The following GPC3 variants were observed in gnomAD, a reference collection of about 807,000 sequenced individuals.
GPC3 encodes glypican-3.
In GPC3, 3 loss-of-function variants were observed where a neutral mutation model predicts 34.4. That is an observed-to-expected ratio of 0.09 (90% CI 0.04 to 0.23). The LOEUF (loss-of-function observed/expected upper bound fraction) is 0.23, where lower values mean the gene tolerates loss of function less well. Among genes scored for constraint, GPC3 ranks in the 10% least tolerant of loss-of-function variants. The pLI is 1.00. For missense variants in GPC3, 351 were observed against 445.6 expected, an observed-to-expected ratio of 0.79 and a Z score of 1.91; for synonymous variants, 177 against 174.0, an observed-to-expected ratio of 1.02 and a Z score of -0.13.
At chrX:133,970,209 A>C (rs759433163) in intron 1 of GPC3, among the ~76,000 whole-genome samples, 30 of 111,673 alleles carry the variant, frequency 2.7e-4, no homozygotes, top group Non-Finnish European at 5.3e-4. Context: ...TGTTAAGCAA[A>C]GGGCTGGGGA....
intron 7 of GPC3, among the ~76,000 whole-genome samples, chrX:133,594,171 T>A (rs180861011): frequency 9.0e-6 from 1 of 111,560 alleles, no homozygotes; most frequent in Non-Finnish European, 1.9e-5. Flanking sequence ...TCGACAGGGA[T>A]TGGGGGCCTA....
intron 2 of GPC3, among the ~76,000 whole-genome samples, chrX:133,833,241 G>A (rs1290861692): frequency 9.0e-6 from 1 of 111,086 alleles, no homozygotes; most frequent in African/African-American, 3.3e-5. Context: ...AAATAGATAG[G>A]GAATGAGCTT....
chrX:133,956,678 C>G (rs1251526121), intron 1 of GPC3, among the ~76,000 whole-genome samples: 6 of 112,106 alleles, frequency 5.4e-5, no homozygotes, highest in Admixed American at 1.9e-4. Context: ...TTTGCATTGA[C>G]AATCACTTCC....
chrX:133,772,851 A>G (rs1398241365), intron 2 of GPC3, among the ~76,000 whole-genome samples: 2 of 110,874 alleles, frequency 1.8e-5, no homozygotes, highest in African/African-American at 6.6e-5. Context: ...AGGCTCAGGG[A>G]GCAGAAACAA....
rs377646673 is a variant in GPC3, at chrX:133,903,499, G to A, written c.337+49551C>T. Among the ~76,000 whole-genome samples, 16 of 111,478 alleles carry A rather than the reference G, an allele frequency of 1.4e-4. No homozygotes were observed. The East Asian group carries it at 4.3e-3, about 30-fold the overall frequency. On this transcript the variant is annotated intron_variant, in intron 2 of 7. Coordinates refer to ENST00000370818, the MANE Select transcript of GPC3 (RefSeq NM_004484.4). ...AGCTACTTGGGAGGCTGAGGTAGGAGAATTGCTTGAACCCGGGAGGCGGAA... is the reference window on the plus strand; with the variant it reads ...AGCTACTTGGGAGGCTGAGGTAGGAAAATTGCTTGAACCCGGGAGGCGGAA...
intron 7 of GPC3, among the ~76,000 whole-genome samples, chrX:133,553,961 C>T (rs766170520): frequency 9.0e-6 from 1 of 110,930 alleles, no homozygotes; most frequent in South Asian, 3.9e-4. Context: ...GGGTTTCCAT[C>T]CTGAGCTCTC....
intron 5 of GPC3, chrX:133,671,298 A>G: frequency 1.2e-6 from 1 of 837,105 alleles, no homozygotes; most frequent in Non-Finnish European, 1.8e-6. Context: ...ACCTCAAGAA[A>G]GCAACGAAAG....
chrX:133,891,665 C>T (rs960296107), intron 2 of GPC3, among the ~76,000 whole-genome samples: 3 of 107,151 alleles, frequency 2.8e-5, no homozygotes, highest in African/African-American at 6.8e-5. Context: ...TAGGCACAGT[C>T]GTGCATGCCT....
At chrX:133,755,715 G>T (rs1162287250) in intron 2 of GPC3, among the ~76,000 whole-genome samples, 1 of 111,152 alleles carries the variant, frequency 9.0e-6, no homozygotes, top group Non-Finnish European at 1.9e-5. Context: ...TGTTCACTTG[G>T]TTTTTTTGTT....
intron 2 of GPC3, among the ~76,000 whole-genome samples, chrX:133,883,077 TTG>T (rs755290153): frequency 4.7e-5 from 5 of 107,340 alleles, no homozygotes; most frequent in South Asian, 4.0e-4. Flanking sequence ...AGAAATATAT[TTG>T]TGTGTGTGTG....
At chrX:133,904,096 A>T (rs1459414732) in intron 2 of GPC3, among the ~76,000 whole-genome samples, 47 of 111,689 alleles carry the variant, frequency 4.2e-4, no homozygotes, top group Non-Finnish European at 9.4e-5. Flanking sequence ...GTTTCAAATA[A>T]CTCAGTGTAC....
At position 133,899,028 on chromosome X, in the gene GPC3, G is replaced by A. The variant is rs1162913778; in HGVS notation, c.337+54022C>T. On this transcript the variant is annotated intron_variant, in intron 2 of 7. Coordinates refer to ENST00000370818, the MANE Select transcript of GPC3 (RefSeq NM_004484.4). ...TATGTTTGGTCTCAACTTAGTAAAC[G>A]GCTCAAAGGCACACACATGTTTTTT... Among the ~76,000 whole-genome samples, 10 of 111,818 alleles carry A rather than the reference G, an allele frequency of 8.9e-5. No homozygotes were observed. The Admixed American group carries it at 9.5e-4, about 11-fold the overall frequency.
intron 6 of GPC3, among the ~76,000 whole-genome samples, chrX:133,661,035 G>C: frequency 9.1e-6 from 1 of 110,197 alleles, no homozygotes; most frequent in East Asian, 2.9e-4. Context: ...CAGGTATGGT[G>C]GTGCATGCCT....
chrX:133,650,457 C>CCACA (rs537936603), intron 6 of GPC3, among the ~76,000 whole-genome samples: 2,683 of 97,592 alleles, frequency 0.027, 65 homozygotes, highest in East Asian at 0.076. Flanking sequence ...ACACACCCAC[C>CCACA]CACACACACA....
intron 2 of GPC3, among the ~76,000 whole-genome samples, chrX:133,933,919 C>A (rs1290315882): frequency 9.9e-6 from 1 of 100,691 alleles, no homozygotes; most frequent in African/African-American, 3.7e-5. Flanking sequence ...GGCTGGAGTG[C>A]AGTGACACGA....
chrX:133,823,877 C>T (rs1198737176), intron 2 of GPC3, among the ~76,000 whole-genome samples: 6 of 107,767 alleles, frequency 5.6e-5, no homozygotes, highest in Non-Finnish European at 9.6e-5. Flanking sequence ...CACAGCTACT[C>T]GGGAGGCTGA....
chrX:133,967,141 C>G (rs1016957090), intron 1 of GPC3, among the ~76,000 whole-genome samples: 2 of 111,913 alleles, frequency 1.8e-5, no homozygotes, highest in South Asian at 7.5e-4. Context: ...AACACCCACA[C>G]GTACATTAGT....
Position 133,535,896 on chromosome X carries a change from T to C in GPC3, c.*228A>G. 2.6e-6 allele frequency: 1 copy of C among 385,942 alleles called. No homozygotes were observed. The allele number at this position is 385,942 out of a possible 1,213,427, so 31.8% of individuals were successfully genotyped here. On this transcript the variant is annotated 3_prime_UTR_variant, in exon 8 of 8. Coordinates refer to ENST00000370818, the MANE Select transcript of GPC3 (RefSeq NM_004484.4). Reference sequence around the variant, plus strand: ...GGCACAACTTGATGGTTTTTTTTCTTTCTTTGCAAAAGGACAATCTATATG... The same window carrying C: ...GGCACAACTTGATGGTTTTTTTTCTCTCTTTGCAAAAGGACAATCTATATG...
At chrX:133,829,620 C>A (rs1487400515) in intron 2 of GPC3, among the ~76,000 whole-genome samples, 1 of 111,553 alleles carries the variant, frequency 9.0e-6, no homozygotes, top group Non-Finnish European at 1.9e-5. Context: ...GAGATGTTTT[C>A]TAACCATGGT....
Sources: allele counts gnomAD v4.1 joint callset (sites outside exome capture counted in the v4.1 genomes callset), GRCh38; gene constraint gnomAD v4.1.1; transcripts MANE v1.5; gene names NCBI Gene and HGNC (gene_info 2026-07-23, HGNC 2026-07-21).